The following C1orf146 variants were observed in gnomAD, a reference collection of about 807,000 sequenced individuals.
C1orf146 encodes the protein protein SPO16 homolog.
Under a neutral mutation model 23.0 loss-of-function variants are expected in C1orf146, and 22 were observed. That is an observed-to-expected ratio of 0.96 (90% CI 0.68 to 1.36). C1orf146 has a LOEUF of 1.36. Ranked by LOEUF, C1orf146 falls within the 40% of genes most tolerant of loss-of-function variation. The pLI, the probability that C1orf146 is intolerant of heterozygous loss-of-function variation, is 0.00. For synonymous variants in C1orf146, 59 were observed against 65.3 expected, an observed-to-expected ratio of 0.90 and a Z score of 0.47; for missense variants, 199 against 206.8, an observed-to-expected ratio of 0.96 and a Z score of 0.23.
At chr1:92,240,767 T>C in intron 2 of C1orf146, 1 of 239,972 alleles carries the variant, frequency 4.2e-6, no homozygotes, top group Non-Finnish European at 9.1e-6. Context: ...GAAGTGATTC[T>C]CTCACCTCAG....
At chr1:92,220,709 AT>A (rs1651798960) in intron 1 of C1orf146, among the ~76,000 whole-genome samples, 1 of 152,234 alleles carries the variant, frequency 6.6e-6, no homozygotes, top group Non-Finnish European at 1.5e-5. Context: ...TTCTGTATCT[AT>A]ATTAACAATG....
intron 5 of C1orf146, 96 bp from the exon 6 acceptor site, chr1:92,245,444 T>A: frequency 3.2e-6 from 3 of 926,118 alleles, no homozygotes; most frequent in Non-Finnish European, 5.0e-6. Context: ...GATCAAGAGA[T>A]TTGCTGAAAG....
At position 92,228,522 on chromosome 1, in the gene C1orf146, G is replaced by A. The variant is rs116730323; in HGVS notation, c.-39-2860G>A. Among the ~76,000 whole-genome samples the A allele has an allele frequency of 9.7e-3, 1,480 of 152,286 alleles. 21 individuals are homozygous for A. The highest frequency in any genetic ancestry group is 0.034 in the African/African-American group (1,415 of 41,540). ...AGGGGATTTACTTTTGCTTCTGGCA[G>A]AGAGTTTTTCTAGATACAGCTGTGA... is the stretch of plus-strand genomic sequence containing the variant. On this transcript the variant is annotated intron_variant, in intron 1 of 5. Transcript: ENST00000370375.
intron 2 of C1orf146, among the ~76,000 whole-genome samples, chr1:92,235,481 G>T (rs1302146591): frequency 1.3e-5 from 2 of 152,166 alleles, no homozygotes; most frequent in Non-Finnish European, 2.9e-5. Flanking sequence ...GAGATAGTTT[G>T]TTATAATTTC....
At chr1:92,225,340 C>T (rs1651941403) in intron 1 of C1orf146, among the ~76,000 whole-genome samples, 1 of 152,192 alleles carries the variant, frequency 6.6e-6, no homozygotes, top group Non-Finnish European at 1.5e-5. Context: ...CTCCTGGGCT[C>T]CAGCAGTACA....
chr1:92,224,644 ATGT>A, intron 1 of C1orf146, among the ~76,000 whole-genome samples: 1 of 152,164 alleles, frequency 6.6e-6, no homozygotes, highest in East Asian at 1.9e-4. Flanking sequence ...ATGTTTATCA[ATGT>A]TGTTGATCTT....
chr1:92,220,388 T>C (rs1651791489), intron 1 of C1orf146, among the ~76,000 whole-genome samples: 1 of 152,148 alleles, frequency 6.6e-6, no homozygotes, highest in African/African-American at 2.4e-5. Context: ...TTCTGAGAAA[T>C]GCATCATTAG....
At chr1:92,225,035 C>G (rs1427466692) in intron 1 of C1orf146, among the ~76,000 whole-genome samples, 1 of 152,074 alleles carries the variant, frequency 6.6e-6, no homozygotes, top group Non-Finnish European at 1.5e-5. Context: ...GCCACCGTGC[C>G]CGGCTTGTTC....
intron 2 of C1orf146, chr1:92,240,863 C>T (rs1652417159): frequency 2.2e-6 from 1 of 452,814 alleles, no homozygotes; most frequent in South Asian, 1.6e-5. Flanking sequence ...CTATTAACCA[C>T]CTAGATTTTA....
intron 1 of C1orf146, among the ~76,000 whole-genome samples, chr1:92,226,818 C>T (rs1162373043): frequency 6.6e-6 from 1 of 152,150 alleles, no homozygotes; most frequent in Non-Finnish European, 1.5e-5. Flanking sequence ...ATTTGTCCCT[C>T]AAGTTATATG....
At chr1:92,237,180 C>G (rs970399687) in intron 2 of C1orf146, among the ~76,000 whole-genome samples, 5 of 152,158 alleles carry the variant, frequency 3.3e-5, no homozygotes, top group Non-Finnish European at 7.3e-5. Flanking sequence ...AGGAGAGGTG[C>G]TCTGCTTTTT....
intron 2 of C1orf146, among the ~76,000 whole-genome samples, chr1:92,234,800 G>T (rs1652234186): frequency 6.6e-6 from 1 of 152,174 alleles, no homozygotes; most frequent in Non-Finnish European, 1.5e-5. Flanking sequence ...CCTGTTATTG[G>T]TCTATTCAGA....
intron 1 of C1orf146, among the ~76,000 whole-genome samples, chr1:92,221,912 A>C (rs1651825714): frequency 6.6e-6 from 1 of 152,166 alleles, no homozygotes; most frequent in Non-Finnish European, 1.5e-5. Flanking sequence ...AAAATGACAC[A>C]CTTATCATTA....
At chr1:92,226,728 T>A (rs1157783686) in intron 1 of C1orf146, among the ~76,000 whole-genome samples, 2 of 152,224 alleles carry the variant, frequency 1.3e-5, no homozygotes, top group African/African-American at 2.4e-5. Context: ...GGCAATCTTT[T>A]CTTTCAGTTG....
At chr1:92,230,284 G>A (rs1374018824) in intron 1 of C1orf146, among the ~76,000 whole-genome samples, 1 of 150,540 alleles carries the variant, frequency 6.6e-6, no homozygotes, top group East Asian at 2.0e-4. Flanking sequence ...CCAACGTAGG[G>A]AGACCTGCCC....
intron 1 of C1orf146, among the ~76,000 whole-genome samples, chr1:92,223,897 C>T (rs1651898347): frequency 6.6e-6 from 1 of 151,910 alleles, no homozygotes; most frequent in Admixed American, 6.6e-5. Flanking sequence ...ATTTGCTTTG[C>T]AGATATTTTC....
At chr1:92,236,569 A>G (rs1294501185) in intron 2 of C1orf146, among the ~76,000 whole-genome samples, 1 of 152,060 alleles carries the variant, frequency 6.6e-6, no homozygotes, top group Non-Finnish European at 1.5e-5. Context: ...ACTTTGGTGA[A>G]TCTGACAATT....
intron 2 of C1orf146, 33 bp downstream of exon 2, chr1:92,231,519 T>G: frequency 6.9e-7 from 1 of 1,445,272 alleles, no homozygotes; most frequent in South Asian, 1.2e-5. Context: ...GATCTTTAAC[T>G]TAAAAAAATT....
chr1:92,228,921 G>C, intron 1 of C1orf146: 1 of 420,418 alleles, frequency 2.4e-6, no homozygotes. Context: ...AGATTCGTGA[G>C]GCTAGCATGA....
Sources: gnomAD v4.1 joint callset for allele counts (sites outside exome capture counted in the v4.1 genomes callset) on GRCh38, gnomAD v4.1.1 for gene constraint, MANE v1.5 for transcripts, NCBI Gene and HGNC (gene_info 2026-07-23, HGNC 2026-07-21) for gene names.